The following IGF2BP3 variants were observed in gnomAD, a reference collection of about 807,000 sequenced individuals.
IGF2BP3 encodes the protein insulin like growth factor 2 mRNA binding protein 3, also known as insulin-like growth factor 2 mRNA-binding protein 3.
A neutral mutation model predicts 73.8 loss-of-function variants in IGF2BP3; 9 were observed. That is an observed-to-expected ratio of 0.12 (90% CI 0.07 to 0.21). IGF2BP3 has a LOEUF of 0.21. IGF2BP3 is among the 10% of genes least tolerant of loss of function. IGF2BP3 has a pLI of 1.00. For synonymous variants in IGF2BP3, 258 were observed against 256.7 expected (o/e 1.01, Z -0.05); for missense variants, 542 against 714.0 (o/e 0.76, Z 2.75).
At chr7:23,347,569 C>T in intron 7 of IGF2BP3, 31 bp downstream of exon 7, 1 of 1,599,880 alleles carries the variant, frequency 6.3e-7, no homozygotes, top group African/African-American at 1.3e-5. Flanking sequence ...CAAATATCAA[C>T]CTCTTTCACA....
intron 5 of IGF2BP3, among the ~76,000 whole-genome samples, chr7:23,353,955 G>C (rs1047895305): frequency 2.6e-5 from 4 of 152,202 alleles, no homozygotes; most frequent in Non-Finnish European, 5.9e-5. Context: ...TGGAGATGCA[G>C]AAGAGTCAAC....
chr7:23,438,974 G>T (rs1035454084), intron 2 of IGF2BP3, among the ~76,000 whole-genome samples: 1 of 152,006 alleles, frequency 6.6e-6, no homozygotes, highest in Non-Finnish European at 1.5e-5. Context: ...GGCCAGGCAT[G>T]GTGGCTGACA....
At chr7:23,362,304 T>G (rs1785249676) in intron 3 of IGF2BP3, among the ~76,000 whole-genome samples, 1 of 152,114 alleles carries the variant, frequency 6.6e-6, no homozygotes, top group African/African-American at 2.4e-5. Flanking sequence ...ATCTATAAGA[T>G]GTTCTTTTCC....
rs545776852 is a variant in IGF2BP3, at chr7:23,418,833, G to A, written c.237-9C>T. The A allele has an allele frequency of 3.7e-5, 57 of 1,549,728 alleles. No homozygotes were observed. The highest frequency in any genetic ancestry group is 4.7e-5 in the Non-Finnish European group (54 of 1,138,512). ...TCTGAAGTTTCCGAATCCTGCAGAA[G>A]AATTAAAATGTTTTTTAAAAGAAAA... On this transcript the variant is annotated splice_polypyrimidine_tract_variant and intron_variant, in intron 2 of 14. Transcript: ENST00000258729.
intron 3 of IGF2BP3, among the ~76,000 whole-genome samples, chr7:23,377,744 T>TA (rs1212844663): frequency 6.6e-6 from 1 of 152,204 alleles, no homozygotes; most frequent in Non-Finnish European, 1.5e-5. Flanking sequence ...GTAAGTGGTA[T>TA]ATTCACACAA....
chr7:23,430,362 G>C (rs138508114), intron 2 of IGF2BP3, among the ~76,000 whole-genome samples: 1 of 152,176 alleles, frequency 6.6e-6, no homozygotes, highest in South Asian at 2.1e-4. Flanking sequence ...GAGCCACCGC[G>C]CCCAGCTGCC....
At chr7:23,419,664 C>T (rs1040939174) in intron 2 of IGF2BP3, among the ~76,000 whole-genome samples, 9 of 152,122 alleles carry the variant, frequency 5.9e-5, no homozygotes, top group Admixed American at 1.3e-4. Flanking sequence ...CCAGACTGGC[C>T]AACATGGTGA....
intron 3 of IGF2BP3, chr7:23,402,209 T>C (rs192283705): frequency 6.6e-6 from 1 of 152,270 alleles, no homozygotes; most frequent in Non-Finnish European, 1.5e-5. Context: ...TAGAGTTGAG[T>C]TGTATTAGAA....
chr7:23,456,683 C>T (rs994585826), intron 2 of IGF2BP3, among the ~76,000 whole-genome samples: 2 of 152,332 alleles, frequency 1.3e-5, no homozygotes, highest in South Asian at 2.1e-4. Context: ...CTTACTCAAA[C>T]GGTCTCACTG....
chr7:23,325,737 GGAACA>G (rs1447678795), intron 10 of IGF2BP3, among the ~76,000 whole-genome samples: 5 of 152,080 alleles, frequency 3.3e-5, no homozygotes, highest in Non-Finnish European at 7.4e-5. Flanking sequence ...ATAGATCAAT[GGAACA>G]GAACAGAACA....
intron 2 of IGF2BP3, among the ~76,000 whole-genome samples, chr7:23,462,711 G>C (rs1788480579): frequency 6.6e-6 from 1 of 152,056 alleles, no homozygotes; most frequent in Non-Finnish European, 1.5e-5. Flanking sequence ...CAAGTTATAT[G>C]GTCTCAGGAT....
chr7:23,313,178 T>C (rs1439734413), intron 13 of IGF2BP3, among the ~76,000 whole-genome samples: 1 of 152,258 alleles, frequency 6.6e-6, no homozygotes, highest in East Asian at 1.9e-4. Context: ...AGAAACAGTT[T>C]GCTTTTTTTC....
chr7:23,374,154 AAG>A, intron 3 of IGF2BP3, among the ~76,000 whole-genome samples: 1 of 152,188 alleles, frequency 6.6e-6, no homozygotes, highest in South Asian at 2.1e-4. Flanking sequence ...CAGGGACTCA[AAG>A]AAGTACTTCT....
chr7:23,361,320 A>G, intron 5 of IGF2BP3: 1 of 493,612 alleles, frequency 2.0e-6, no homozygotes. Context: ...TATTGGCATT[A>G]AAGATATATT....
intron 6 of IGF2BP3, among the ~76,000 whole-genome samples, chr7:23,349,792 C>T (rs138585434): frequency 1.3e-5 from 2 of 152,318 alleles, no homozygotes; most frequent in East Asian, 1.9e-4. Context: ...ATTTAAGTCA[C>T]AGCTCTTTCA....
chr7:23,376,894 T>A (rs1041503737), intron 3 of IGF2BP3, among the ~76,000 whole-genome samples: 4 of 152,208 alleles, frequency 2.6e-5, no homozygotes, highest in Non-Finnish European at 5.9e-5. Context: ...CTTGAAAGAT[T>A]GCTAATCTTT....
At chr7:23,362,666 C>T (rs1020734199) in intron 3 of IGF2BP3, 1 of 152,194 alleles carries the variant, frequency 6.6e-6, no homozygotes, top group Non-Finnish European at 1.5e-5. Flanking sequence ...GTGTCCTTAG[C>T]TTCTAAGAGC....
At chr7:23,349,993 G>A (rs1344845586) in intron 6 of IGF2BP3, among the ~76,000 whole-genome samples, 1 of 152,166 alleles carries the variant, frequency 6.6e-6, no homozygotes, top group Non-Finnish European at 1.5e-5. Context: ...CCTACATGAT[G>A]AGGTCAGGGC....
chr7:23,375,399 C>T (rs1222347317), intron 3 of IGF2BP3, among the ~76,000 whole-genome samples: 6 of 152,128 alleles, frequency 3.9e-5, no homozygotes, highest in African/African-American at 1.2e-4. Context: ...ACATGCCACA[C>T]AGTCTGGGGG....
Sources: allele counts gnomAD v4.1 joint callset (sites outside exome capture counted in the v4.1 genomes callset), GRCh38; gene constraint gnomAD v4.1.1; transcripts MANE v1.5; gene names NCBI Gene and HGNC (gene_info 2026-07-23, HGNC 2026-07-21).